The following CMYA5 variants were observed in gnomAD, a reference collection of about 807,000 sequenced individuals.
CMYA5 encodes cardiomyopathy associated 5.
CMYA5 carries 246 observed loss-of-function variants against 318.9 expected under a neutral mutation model. The observed-to-expected ratio is 0.77, with a 90% CI of 0.70 to 0.86. The LOEUF is 0.86. Among genes scored for constraint, CMYA5 ranks in the 40% least tolerant of loss-of-function variants. The probability of loss-of-function intolerance (pLI) is 0.00; values close to 1 mark genes in which losing one functional copy is unlikely to be tolerated. For missense variants in CMYA5, 4,589 were observed against 4,678.2 expected (o/e 0.98, Z 0.56); for synonymous variants, 1,641 against 1,729.5 (o/e 0.95, Z 1.27).
chr5:79,790,760 C>T (rs192576910), intron 10 of CMYA5, among the ~76,000 whole-genome samples: 9 of 152,318 alleles, frequency 5.9e-5, no homozygotes, highest in African/African-American at 1.7e-4. Flanking sequence ...ACCGTGAGGA[C>T]GTGCCTATGG....
At chr5:79,713,177 T>G (rs1377024881) in intron 1 of CMYA5, among the ~76,000 whole-genome samples, 1 of 152,180 alleles carries the variant, frequency 6.6e-6, no homozygotes, top group East Asian at 1.9e-4. Context: ...ATTACATATC[T>G]GAAGACATTT....
intron 1 of CMYA5, among the ~76,000 whole-genome samples, chr5:79,697,433 A>G (rs1827088678): frequency 6.6e-6 from 1 of 152,242 alleles, no homozygotes; most frequent in African/African-American, 2.4e-5. Flanking sequence ...AAGGGACTTC[A>G]GACGTCATCT....
At chr5:79,771,608 C>T (rs565804965) in intron 9 of CMYA5, among the ~76,000 whole-genome samples, 2 of 152,320 alleles carry the variant, frequency 1.3e-5, no homozygotes, top group South Asian at 4.1e-4. Flanking sequence ...ATAAATATGG[C>T]TACAAGGAGA....
chr5:79,698,317 CAA>C (rs60791912), intron 1 of CMYA5, among the ~76,000 whole-genome samples: 10 of 148,784 alleles, frequency 6.7e-5, no homozygotes, highest in Non-Finnish European at 1.0e-4. Flanking sequence ...AAAACAAAAA[CAA>C]AAAAAAAAAC....
Position 79,730,644 on chromosome 5 carries a change from C to T in CMYA5, c.1879C>T (p.His627Tyr). 6.2e-7 allele frequency: 1 copy of T among 1,614,024 alleles called. No homozygotes were observed. Among genetic ancestry groups the T allele is most frequent in the South Asian group, 1.1e-5 (1 of 91,088 alleles). Residue 627 changes from histidine to tyrosine, a missense_variant, in exon 2 of 13, where the codon CAT becomes TAT. Physicochemically the swap from His to Tyr is moderately conservative, Grantham distance 83. This residue lies in a region of CMYA5 where 2,132 missense variants were observed against 2,131.3 expected (regional missense o/e 1.00). Coordinates refer to ENST00000446378, the MANE Select transcript of CMYA5 (RefSeq NM_153610.5). ...PPSNVEAIAE[H>Y]AVLSEEENEE... is the part of the protein sequence containing the mutation. ...ATCCAATGTAGAAGCTATAGCTGAA[C>T]ATGCAGTTTTGTCAGAAGAAGAGAA...
Position 79,733,441 on chromosome 5 carries a change from C to T in CMYA5, c.4676C>T (p.Pro1559Leu), listed in dbSNP as rs1322581011. 6.2e-7 allele frequency: 1 copy of T among 1,613,844 alleles called. No homozygotes were observed. Among genetic ancestry groups the T allele is most frequent in the South Asian group, 1.1e-5 (1 of 91,072 alleles). ...NVSPASKHIIPKGKDEETASS... is the reference protein window; with the variant it reads ...NVSPASKHIILKGKDEETASS... ...TCACCTGCATCCAAACATATAATCC[C>T]AAAAGGCAAAGATGAGGAAACAGCA... is the stretch of plus-strand genomic sequence containing the variant. The change falls in exon 2 of 13, where the codon CCA becomes CTA. Residue 1559 changes from proline to leucine, a missense_variant. Physicochemically the swap from Pro to Leu is moderately conservative, Grantham distance 98 (BLOSUM62 -3). This residue lies in a region of CMYA5 where 2,132 missense variants were observed against 2,131.3 expected (regional missense o/e 1.00). Coordinates refer to ENST00000446378, the MANE Select transcript of CMYA5 (RefSeq NM_153610.5).
Position 79,729,962 on chromosome 5 carries a change from G to C in CMYA5, c.1197G>C (p.Glu399Asp). 1 of 1,613,996 alleles carries C rather than the reference G, an allele frequency of 6.2e-7. No individual in the cohort carries two copies. The highest frequency in any genetic ancestry group is 8.5e-7 in the Non-Finnish European group (1 of 1,179,886). Residue 399 changes from glutamate to aspartate, a missense_variant, in exon 2 of 13, where the codon GAG (glutamate) becomes GAC (aspartate). Transcript: ENST00000446378. ...MFLRTTKEEC[E>D]LASPGTAASE... ...TGAGAACAACAAAGGAAGAATGTGA[G>C]CTTGCTTCACCAGGAACTGCAGCTT... is the stretch of plus-strand genomic sequence containing the variant.
At position 79,714,435 on chromosome 5, in the gene CMYA5, T is replaced by TTCTTTTC. The variant is rs1198502450; in HGVS notation, c.150-14479_150-14478insCTTTTCT. Among the ~76,000 whole-genome samples the TTCTTTTC allele has an allele frequency of 3.6e-5, 5 of 138,108 alleles. No homozygotes were observed. In the South Asian group the frequency reaches 1.2e-3, roughly 34 times the overall value. The allele number at this position is 138,108 out of a possible 152,430, so 90.6% of individuals were successfully genotyped here. A position where few individuals can be genotyped will look rare whatever the true frequency, so the allele number is the denominator to read the frequency against. On this transcript the variant is annotated intron_variant, in intron 1 of 12. Transcript: ENST00000446378. ...TCTGATATCTTTTTTCTTTTTCTTTTTTTTTTTTTTTTTTTTGAGATGGGG... is the reference window on the plus strand; with the variant it reads ...TCTGATATCTTTTTTCTTTTTCTTTTTCTTTTCTTTTTTTTTTTTTTTTGAGATGGGG...
At chr5:79,792,004 G>A (rs554971359) in intron 11 of CMYA5, among the ~76,000 whole-genome samples, 9 of 152,292 alleles carry the variant, frequency 5.9e-5, no homozygotes, top group South Asian at 2.1e-4. Flanking sequence ...CCCTGGTGTC[G>A]GTGGCTGGCA....
intron 1 of CMYA5, among the ~76,000 whole-genome samples, chr5:79,723,263 A>G (rs1827677161): frequency 6.6e-6 from 1 of 151,910 alleles, no homozygotes; most frequent in Non-Finnish European, 1.5e-5. Context: ...ACATGGTGAA[A>G]CCTCATCTCT....
At position 79,735,134 on chromosome 5, in the gene CMYA5, A is replaced by G. The variant is rs1828024972; in HGVS notation, c.6369A>G (p.Ser2123=). The G allele has an allele frequency of 6.2e-7, 1 of 1,613,692 alleles. No individual in the cohort carries two copies. Among genetic ancestry groups the G allele is most frequent in the Non-Finnish European group, 8.5e-7 (1 of 1,179,780 alleles). The change falls in exon 2 of 13, where the codon TCA becomes TCG. Residue 2123 remains serine, a synonymous_variant. Coordinates refer to ENST00000446378, the MANE Select transcript of CMYA5 (RefSeq NM_153610.5). ...IDDADEGKKP[S]PEVKIPTQRK... ...ATGCTGATGAGGGAAAGAAACCATC[A>G]CCTGAAGTAAAAATACCCACACAAA... is the stretch of plus-strand genomic sequence containing the variant.
chr5:79,778,701 A>G (rs543956177), intron 9 of CMYA5, among the ~76,000 whole-genome samples: 2 of 151,320 alleles, frequency 1.3e-5, no homozygotes, highest in East Asian at 3.9e-4. Context: ...TTTACCGTGC[A>G]TATTTTTTAT....
chr5:79,735,604 T>G lies in CMYA5; in HGVS notation c.6839T>G (p.Phe2280Cys). 1 of 1,613,526 alleles carries G rather than the reference T, an allele frequency of 6.2e-7. No individual in the cohort carries two copies. The highest frequency in any genetic ancestry group is 8.5e-7 in the Non-Finnish European group (1 of 1,179,714). The change falls in exon 2 of 13, where the codon TTC becomes TGC. Residue 2280 changes from phenylalanine (F) to cysteine (C), a missense_variant. This residue lies in a region of CMYA5 where 2,431 missense variants were observed against 2,495.1 expected (regional missense o/e 0.97). Transcript: ENST00000446378. ...SNVEDLQQPK[F>C]ISEVSREDYG... ...GTAGAAGATTTACAACAGCCAAAAT[T>G]CATTTCTGAGGTGTCTAGGGAAGAT... is the stretch of plus-strand genomic sequence containing the variant.
chr5:79,758,930 C>G, intron 7 of CMYA5, 28 bp downstream of exon 7: 1 of 1,515,268 alleles, frequency 6.6e-7, no homozygotes, highest in Non-Finnish European at 8.9e-7. Context: ...AATACAAATG[C>G]ATATGCATAT....
chr5:79,749,588 G>A (rs1828393829), intron 5 of CMYA5, among the ~76,000 whole-genome samples: 1 of 151,756 alleles, frequency 6.6e-6, no homozygotes, highest in Non-Finnish European at 1.5e-5. Flanking sequence ...AAAATGTTAG[G>A]TATGTCACAA....
At position 79,770,514 on chromosome 5, in the gene CMYA5, C is replaced by T. The variant is rs147741845; in HGVS notation, c.11555+7305C>T. Among the ~76,000 whole-genome samples the T allele has an allele frequency of 4.6e-3, 695 of 152,314 alleles. 2 individuals are homozygous for T. Among genetic ancestry groups the T allele is most frequent in the Non-Finnish European group, 6.7e-3 (454 of 68,034 alleles). On this transcript the variant is annotated intron_variant, in intron 9 of 12. Coordinates refer to ENST00000446378, the MANE Select transcript of CMYA5 (RefSeq NM_153610.5). Reference sequence around the variant, plus strand: ...AGTATCCGGGCTGGAATGCACTGTTCTTCATGGCTTCCCTTGGCTAAGGCA... The same window carrying T: ...AGTATCCGGGCTGGAATGCACTGTTTTTCATGGCTTCCCTTGGCTAAGGCA...
At chr5:79,744,619 T>C (rs1233232470) in intron 3 of CMYA5, among the ~76,000 whole-genome samples, 1 of 152,234 alleles carries the variant, frequency 6.6e-6, no homozygotes, top group Non-Finnish European at 1.5e-5. Context: ...ATGTTGTGGA[T>C]CAACTAGTAC....
At chr5:79,698,456 G>A (rs1246033194) in intron 1 of CMYA5, among the ~76,000 whole-genome samples, 1 of 152,104 alleles carries the variant, frequency 6.6e-6, no homozygotes, top group African/African-American at 2.4e-5. Context: ...TCCCTGACTG[G>A]CCCCTGTCTA....
At chr5:79,778,860 T>G (rs943447333) in intron 9 of CMYA5, among the ~76,000 whole-genome samples, 2 of 119,934 alleles carry the variant, frequency 1.7e-5, no homozygotes, top group Admixed American at 9.0e-5. Flanking sequence ...CATGTTTTTT[T>G]GTAGTAGCCA....
Sources: allele counts gnomAD v4.1 joint callset (sites outside exome capture counted in the v4.1 genomes callset), GRCh38; gene constraint gnomAD v4.1.1; regional missense constraint gnomAD v4.1.1; transcripts MANE v1.5; gene names NCBI Gene and HGNC (gene_info 2026-07-23, HGNC 2026-07-21).